Variants in IPO5 observed in about 807,000 individuals in gnomAD.
IPO5 encodes the protein importin-5.
In IPO5, 18 loss-of-function variants were observed where a neutral mutation model predicts 143.3. That is an observed-to-expected ratio of 0.13 (90% CI 0.09 to 0.19). IPO5 has a LOEUF of 0.19. Ranked by LOEUF, IPO5 falls within the 10% of genes least tolerant of loss-of-function variation. The probability of loss-of-function intolerance (pLI) is 1.00; values close to 1 mark genes in which losing one functional copy is unlikely to be tolerated. For synonymous variants in IPO5, 477 were observed against 465.7 expected, an observed-to-expected ratio of 1.02 and a Z score of -0.31; for missense variants, 1,013 against 1,336.9, an observed-to-expected ratio of 0.76 and a Z score of 3.78.
At position 98,018,670 on chromosome 13, in the gene IPO5, G is replaced by T. The variant is rs1258118860; in HGVS notation, c.2802G>T (p.Gln934His). The change falls in exon 26 of 29, where the codon CAG (glutamine) becomes CAT (histidine). Residue 934 changes from glutamine to histidine, a missense_variant. By Grantham distance (24) the Gln-to-His change is conservative. This residue lies in a region of IPO5 where 685 missense variants were observed against 994.9 expected (regional missense o/e 0.69). Transcript: ENST00000651721. ...CATATGGCCTGGGAGTCATGGCACA[G>T]TACGGTGGAGATAATTATCGCCCTT... is the stretch of plus-strand genomic sequence containing the variant. ...AAAYGLGVMAQYGGDNYRPFC... is the reference protein window; with the variant it reads ...AAAYGLGVMAHYGGDNYRPFC... 6.2e-7 allele frequency: 1 copy of T among 1,614,084 alleles called. No individual in the cohort carries two copies.
At chr13:97,969,259 G>A (rs553505050) in intron 2 of IPO5, among the ~76,000 whole-genome samples, 17 of 130,198 alleles carry the variant, frequency 1.3e-4, no homozygotes, top group Admixed American at 1.8e-4. Flanking sequence ...TCAGCTCACC[G>A]CAAGCTCTGC....
chr13:97,978,353 CAT>C (rs1242833728), intron 4 of IPO5, among the ~76,000 whole-genome samples: 3 of 152,138 alleles, frequency 2.0e-5, no homozygotes, highest in African/African-American at 7.2e-5. Flanking sequence ...GATTATACAT[CAT>C]ATGGATAGAT....
At chr13:97,999,575 G>C (rs540402794) in intron 12 of IPO5, among the ~76,000 whole-genome samples, 1 of 152,200 alleles carries the variant, frequency 6.6e-6, no homozygotes, top group African/African-American at 2.4e-5. Context: ...CTGTTCTGAA[G>C]ATAATTTATA....
At chr13:98,007,443 A>G (rs1487404992) in intron 17 of IPO5, 1 of 152,258 alleles carries the variant, frequency 6.6e-6, no homozygotes, top group African/African-American at 2.4e-5. Context: ...CTAATGCAAA[A>G]GAAGTTTCTC....
At chr13:97,974,150 A>C (rs1886061933) in intron 3 of IPO5, among the ~76,000 whole-genome samples, 1 of 152,162 alleles carries the variant, frequency 6.6e-6, no homozygotes, top group African/African-American at 2.4e-5. Flanking sequence ...TATTAAGCAA[A>C]TATATGTAAC....
At chr13:98,020,479 C>G (rs1177377035) in intron 27 of IPO5, among the ~76,000 whole-genome samples, 2 of 152,196 alleles carry the variant, frequency 1.3e-5, no homozygotes, top group Non-Finnish European at 2.9e-5. Context: ...TGACCTGCTC[C>G]TACATCTGAA....
At chr13:97,970,477 C>T (rs1007456283) in intron 3 of IPO5, among the ~76,000 whole-genome samples, 11 of 151,944 alleles carry the variant, frequency 7.2e-5, no homozygotes, top group Admixed American at 2.0e-4. Context: ...AAAAATTAGC[C>T]GGGCATGGTG....
At chr13:97,980,216 C>T (rs2139626542) in intron 4 of IPO5, among the ~76,000 whole-genome samples, 1 of 152,318 alleles carries the variant, frequency 6.6e-6, no homozygotes, top group South Asian at 2.1e-4. Flanking sequence ...CCATCCCTGT[C>T]TGTGTGGAAC....
intron 9 of IPO5, among the ~76,000 whole-genome samples, chr13:97,991,067 A>T (rs1375136459): frequency 1.3e-5 from 2 of 152,188 alleles, no homozygotes; most frequent in Non-Finnish European, 2.9e-5. Context: ...AAAATTTTAT[A>T]TTAATTAAAA....
At chr13:97,998,175 C>G (rs34677077) in intron 12 of IPO5, among the ~76,000 whole-genome samples, 3,545 of 152,280 alleles carry the variant, frequency 0.023, 59 homozygotes, top group Admixed American at 0.036. Context: ...CGGGATTTCA[C>G]CATGTTAGCC....
intron 11 of IPO5, 22 bp from the exon 12 acceptor site, chr13:97,997,509 A>G (rs752497568): frequency 7.2e-7 from 1 of 1,395,822 alleles, no homozygotes; most frequent in Non-Finnish European, 1.0e-6. Flanking sequence ...GTCTTCGGGT[A>G]TGAAATAATT....
chr13:98,010,798 T>TTTTTTTTTTTTTTTG (rs1555311050), intron 20 of IPO5, among the ~76,000 whole-genome samples: 1 of 143,716 alleles, frequency 7.0e-6, no homozygotes, highest in Non-Finnish European at 1.5e-5. Flanking sequence ...TTTTTTTTTT[T>TTTTTTTTTTTTTTTG]GAGGTGGAGT....
At chr13:97,979,800 A>G in intron 4 of IPO5, 1 of 435,662 alleles carries the variant, frequency 2.3e-6, no homozygotes. Flanking sequence ...TGTTGGAATT[A>G]CAGGCATGAG....
At chr13:97,972,913 A>G (rs1403054228) in intron 3 of IPO5, among the ~76,000 whole-genome samples, 1 of 152,182 alleles carries the variant, frequency 6.6e-6, no homozygotes, top group Non-Finnish European at 1.5e-5. Flanking sequence ...GACTAAAGAT[A>G]CAAATCCCCT....
At chr13:98,013,490 G>C (rs1267358660) in intron 21 of IPO5, among the ~76,000 whole-genome samples, 1 of 152,094 alleles carries the variant, frequency 6.6e-6, no homozygotes, top group Non-Finnish European at 1.5e-5. Flanking sequence ...TCCTATAGTG[G>C]TATCCTTTAC....
intron 20 of IPO5, among the ~76,000 whole-genome samples, chr13:98,010,482 C>T (rs1889604184): frequency 6.6e-6 from 1 of 152,094 alleles, no homozygotes; most frequent in African/African-American, 2.4e-5. Flanking sequence ...GAGTAATATA[C>T]AGCCATTACA....
intron 3 of IPO5, among the ~76,000 whole-genome samples, chr13:97,974,877 G>C (rs538043980): frequency 6.6e-6 from 1 of 152,134 alleles, no homozygotes; most frequent in Non-Finnish European, 1.5e-5. Context: ...CTTTCTAAGA[G>C]AATTTTCTCT....
At chr13:98,002,632 G>A (rs1566537510) in intron 14 of IPO5, 41 bp downstream of exon 14, 2 of 1,604,526 alleles carry the variant, frequency 1.2e-6, no homozygotes, top group Non-Finnish European at 1.7e-6. Flanking sequence ...GATTAGTGTA[G>A]CTTCATGTGG....
At chr13:97,964,130 C>T (rs895253161) in intron 2 of IPO5, among the ~76,000 whole-genome samples, 1 of 152,050 alleles carries the variant, frequency 6.6e-6, no homozygotes, top group African/African-American at 2.4e-5. Context: ...AAATTTTCTC[C>T]CATTCTGTAG....
Sources: allele counts gnomAD v4.1 joint callset (sites outside exome capture counted in the v4.1 genomes callset), GRCh38; gene constraint gnomAD v4.1.1; regional missense constraint gnomAD v4.1.1; transcripts MANE v1.5; gene names NCBI Gene and HGNC (gene_info 2026-07-23, HGNC 2026-07-21).